CDH4: variants seen among roughly 807,000 people sequenced by gnomAD.
CDH4 encodes the protein cadherin-4.
Under a neutral mutation model 86.0 loss-of-function variants are expected in CDH4, and 33 were observed. That is an observed-to-expected ratio of 0.38 (90% confidence interval 0.29 to 0.51). The LOEUF is 0.51. Ranked by LOEUF, CDH4 falls within the 20% of genes least tolerant of loss-of-function variation. The pLI is 0.86. For missense variants in CDH4, 1,114 were observed against 1,307.4 expected, an observed-to-expected ratio of 0.85 and a Z score of 2.28; for synonymous variants, 555 against 549.4, an observed-to-expected ratio of 1.01 and a Z score of -0.14.
intron 2 of CDH4, among the ~76,000 whole-genome samples, chr20:61,528,099 G>T (rs937244076): frequency 6.6e-6 from 1 of 152,076 alleles, no homozygotes; most frequent in Non-Finnish European, 1.5e-5. Flanking sequence ...AAACAGGCTG[G>T]GTGTGGTGGC....
At chr20:61,575,033 C>T (rs966402152) in intron 2 of CDH4, among the ~76,000 whole-genome samples, 18 of 152,136 alleles carry the variant, frequency 1.2e-4, no homozygotes, top group Non-Finnish European at 2.6e-4. Flanking sequence ...GGTCTGAGCT[C>T]GGGGTTTTGT....
At chr20:61,899,085 C>T (rs1157099355) in intron 8 of CDH4, among the ~76,000 whole-genome samples, 3 of 151,866 alleles carry the variant, frequency 2.0e-5, no homozygotes, top group African/African-American at 7.3e-5. Context: ...TCACGAGGTC[C>T]GGAGTTCAAG....
intron 5 of CDH4, among the ~76,000 whole-genome samples, chr20:61,847,984 G>A (rs572308213): frequency 1.5e-4 from 23 of 152,304 alleles, no homozygotes; most frequent in Admixed American, 9.2e-4. Flanking sequence ...TAGAAGGGAC[G>A]GAACATCCAA....
chr20:61,352,877 TGC>T (rs2084721477), intron 2 of CDH4, among the ~76,000 whole-genome samples: 1 of 152,134 alleles, frequency 6.6e-6, no homozygotes, highest in Non-Finnish European at 1.5e-5. Context: ...TGTGAGACGC[TGC>T]GGACAAGGAG....
intron 2 of CDH4, among the ~76,000 whole-genome samples, chr20:61,300,507 G>A (rs950782086): frequency 1.4e-4 from 21 of 152,248 alleles, no homozygotes; most frequent in Admixed American, 1.2e-3. Flanking sequence ...CCCTGGCTGC[G>A]GCCACAGCCC....
chr20:61,648,461 C>T (rs1183271758), intron 2 of CDH4, among the ~76,000 whole-genome samples: 2 of 152,220 alleles, frequency 1.3e-5, no homozygotes, highest in Non-Finnish European at 2.9e-5. Context: ...GAGCTGGAGG[C>T]ACACCCGGGT....
At chr20:61,862,315 G>C (rs1004614673) in intron 6 of CDH4, among the ~76,000 whole-genome samples, 2 of 152,180 alleles carry the variant, frequency 1.3e-5, no homozygotes, top group African/African-American at 4.8e-5. Context: ...GCCTCAGCCT[G>C]ACCCCGGGGG....
chr20:61,672,626 G>C (rs1386791273), intron 2 of CDH4, among the ~76,000 whole-genome samples: 1 of 152,212 alleles, frequency 6.6e-6, no homozygotes, highest in Admixed American at 6.5e-5. Flanking sequence ...TGAGACCACG[G>C]GAGGGGCAGC....
At chr20:61,268,523 T>G (rs2084168473) in intron 2 of CDH4, among the ~76,000 whole-genome samples, 1 of 152,212 alleles carries the variant, frequency 6.6e-6, no homozygotes, top group South Asian at 2.1e-4. Context: ...GGTGCTATGG[T>G]TTGAGTATTT....
chr20:61,264,647 T>C (rs936573286), intron 2 of CDH4, among the ~76,000 whole-genome samples: 1 of 142,524 alleles, frequency 7.0e-6, no homozygotes. Flanking sequence ...TCATTCAATC[T>C]TACACATACC....
At chr20:61,719,331 A>G in intron 2 of CDH4, 1 of 348,468 alleles carries the variant, frequency 2.9e-6, no homozygotes, top group East Asian at 7.5e-5. Context: ...CGAGTCAGCC[A>G]CGGAGGCCTG....
chr20:61,496,614 C>T (rs145628847), intron 2 of CDH4, among the ~76,000 whole-genome samples: 11 of 152,312 alleles, frequency 7.2e-5, no homozygotes, highest in African/African-American at 1.2e-4. Context: ...AGAGAAAAAG[C>T]CATCCATTTT....
At chr20:61,531,042 C>T (rs1269428346) in intron 2 of CDH4, among the ~76,000 whole-genome samples, 1 of 150,606 alleles carries the variant, frequency 6.6e-6, no homozygotes, top group African/African-American at 2.5e-5. Flanking sequence ...TTTGGAAATT[C>T]GGTACACAGA....
chr20:61,470,385 T>A (rs749126229), intron 2 of CDH4, among the ~76,000 whole-genome samples: 20 of 148,402 alleles, frequency 1.3e-4, no homozygotes, highest in Non-Finnish European at 2.6e-4. Context: ...GCATGTTGAT[T>A]TTGTATCCTG....
Position 61,565,151 on chromosome 20 carries a change from A to G in CDH4, c.170-178412A>G, listed in dbSNP as rs73136646. Among the ~76,000 whole-genome samples the G allele has an allele frequency of 2.8e-3, 189 of 67,492 alleles. 8 individuals carry two copies. The highest frequency in any genetic ancestry group is 5.8e-3 in the African/African-American group (87 of 14,952). 44.3% of individuals were successfully genotyped at this position (67,492 alleles called of 152,430 possible). A position where few individuals can be genotyped will look rare whatever the true frequency, so the allele number is the denominator to read the frequency against. ...TGGTGCTGGTCCTCTTGGTGTTGGT[A>G]GTGGTCCTCTTGGTGATGGGGTGGT... On this transcript the variant is annotated intron_variant, in intron 2 of 15. Transcript: ENST00000614565.
chr20:61,453,061 G>GA (rs1380849149), intron 2 of CDH4, among the ~76,000 whole-genome samples: 4 of 151,978 alleles, frequency 2.6e-5, no homozygotes, highest in African/African-American at 9.7e-5. Context: ...ATAAAGAAAT[G>GA]AAAATCAAAC....
intron 2 of CDH4, among the ~76,000 whole-genome samples, chr20:61,565,062 T>TGGTGGTGGTGG (rs2086254186): frequency 2.0e-5 from 2 of 101,250 alleles, no homozygotes; most frequent in South Asian, 4.2e-4. Flanking sequence ...GGTGGTGCTC[T>TGGTGGTGGTGG]TGGTGGTGGT....
chr20:61,360,278 C>T (rs1361568960), intron 2 of CDH4, among the ~76,000 whole-genome samples: 1 of 152,168 alleles, frequency 6.6e-6, no homozygotes. Flanking sequence ...AGGATCTTTC[C>T]AGGGTATGAA....
chr20:61,603,024 C>T (rs2086614955), intron 2 of CDH4, among the ~76,000 whole-genome samples: 1 of 152,248 alleles, frequency 6.6e-6, no homozygotes, highest in African/African-American at 2.4e-5. Context: ...AACCATTTTG[C>T]ACCTTATACC....
Sources: allele counts gnomAD v4.1 joint callset (sites outside exome capture counted in the v4.1 genomes callset), GRCh38; gene constraint gnomAD v4.1.1; transcripts MANE v1.5; gene names NCBI Gene and HGNC (gene_info 2026-07-23, HGNC 2026-07-21).